TNIK: variants seen among roughly 807,000 people sequenced by gnomAD.
TNIK encodes TRAF2 and NCK interacting kinase, also known as TRAF2 and NCK-interacting protein kinase.
In TNIK, 49 loss-of-function variants were observed where a neutral mutation model predicts 191.3. The observed-to-expected ratio is 0.26, with a 90% CI of 0.20 to 0.32. The LOEUF is 0.32. TNIK is among the 10% of genes least tolerant of loss of function. The pLI, the probability that TNIK is intolerant of heterozygous loss-of-function variation, is 1.00. For missense variants in TNIK, 1,155 were observed against 1,702.3 expected (o/e 0.68, Z 5.66); for synonymous variants, 594 against 600.9 (o/e 0.99, Z 0.17).
At chr3:171,288,807 C>CAAAAA (rs10666822) in intron 2 of TNIK, among the ~76,000 whole-genome samples, 1,754 of 108,990 alleles carry the variant, frequency 0.016, 62 homozygotes, top group African/African-American at 0.06. Context: ...GACTCCATCT[C>CAAAAA]AAAAAAAAAA....
Position 171,398,072 on chromosome 3 carries a change from T to C in TNIK, c.58-28387A>G, listed in dbSNP as rs74556667. ...ACAACAGGCTGGTGATATGCATACT[T>C]TTAATTTATGTTGGCCAAAACACAA... On this transcript the variant is annotated intron_variant, in intron 1 of 32. Transcript: ENST00000436636. Among the ~76,000 whole-genome samples the C allele has an allele frequency of 7.2e-5, 11 of 152,334 alleles. No homozygotes were observed. In the East Asian group the frequency reaches 2.1e-3, roughly 29 times the overall value.
At chr3:171,210,959 A>G (rs1033873315) in intron 4 of TNIK, among the ~76,000 whole-genome samples, 157 bp downstream of exon 4, 10 of 152,186 alleles carry the variant, frequency 6.6e-5, no homozygotes, top group African/African-American at 2.4e-4. Flanking sequence ...ATTCAAGGAA[A>G]TGGGAGAAAA....
rs202164288 is a variant in TNIK, at chr3:171,140,499, C to G, written c.1232G>C (p.Arg411Pro). 1 of 1,613,446 alleles carries G rather than the reference C, an allele frequency of 6.2e-7. No individual in the cohort carries two copies. The highest frequency in any genetic ancestry group is 2.2e-5 in the East Asian group (1 of 44,844). Residue 411 changes from arginine (R) to proline (P), a missense_variant, in exon 13 of 33, where the codon CGA becomes CCA. Physicochemically the swap from Arg to Pro is moderately radical, Grantham distance 103 (BLOSUM62 -2). Around this residue, in one of 3 missense-constraint regions of TNIK, gnomAD observed 735 missense variants for 848.0 expected, o/e 0.87. Coordinates refer to ENST00000436636, the MANE Select transcript of TNIK (RefSeq NM_015028.4). ...CTGCTGCTTCCGCAGCTCCTTCTCT[C>G]GCCTTTGTTGCTGTGGGGCAACAAG... ...QRRRLEEQQR[R>P]EKELRKQQER... is the part of the protein sequence containing the mutation.
intron 2 of TNIK, among the ~76,000 whole-genome samples, chr3:171,301,278 C>G (rs1037219195): frequency 2.0e-5 from 3 of 150,486 alleles, no homozygotes; most frequent in African/African-American, 7.3e-5. Context: ...CAGACAGATA[C>G]AGAATGTAGA....
chr3:171,098,241 G>T (rs1232422639), intron 22 of TNIK, among the ~76,000 whole-genome samples: 1 of 152,178 alleles, frequency 6.6e-6, no homozygotes, highest in South Asian at 2.1e-4. Flanking sequence ...CTTGCTTGAT[G>T]TGATGCAAAT....
chr3:171,211,343 T>A, intron 3 of TNIK, 102 bp from the exon 4 acceptor site: 1 of 1,307,086 alleles, frequency 7.7e-7, no homozygotes, highest in Admixed American at 2.4e-5. Flanking sequence ...TTTTCTTCCT[T>A]GTTGACAAAT....
chr3:171,308,042 C>A lies in TNIK; in HGVS notation c.123+61578G>T, dbSNP rs1753643364. ...TTAAATGCTATTTCTATTGAACTACCAATGACATTATTCACAGAATTAGAA... is the reference window on the plus strand; with the variant it reads ...TTAAATGCTATTTCTATTGAACTACAAATGACATTATTCACAGAATTAGAA... On this transcript the variant is annotated intron_variant, in intron 2 of 32. Transcript: ENST00000436636. Among the ~76,000 whole-genome samples, 3 of 152,060 alleles carry A rather than the reference C, an allele frequency of 2.0e-5. No individual in the cohort carries two copies. In the South Asian group the frequency reaches 6.2e-4, roughly 32 times the overall value.
Position 171,379,807 on chromosome 3 carries a change from G to A in TNIK, c.58-10122C>T, listed in dbSNP as rs1053657522. Among the ~76,000 whole-genome samples, 7 of 152,056 alleles carry A rather than the reference G, an allele frequency of 4.6e-5. No individual in the cohort carries two copies. In the South Asian group the frequency reaches 6.2e-4, roughly 14 times the overall value. The stretch of plus-strand genomic sequence containing the variant: ...GGGCAGATCACGAGGTCAGGAGTTC[G>A]AGACCAGCCTGACCAACATGGTGAA... On this transcript the variant is annotated intron_variant, in intron 1 of 32. Coordinates refer to ENST00000436636, the MANE Select transcript of TNIK (RefSeq NM_015028.4).
chr3:171,245,930 C>A (rs1030211145), intron 2 of TNIK, among the ~76,000 whole-genome samples: 3 of 152,070 alleles, frequency 2.0e-5, no homozygotes, highest in Admixed American at 1.3e-4. Flanking sequence ...AACAGACAGA[C>A]AGACAGACAG....
chr3:171,159,245 C>A lies in TNIK; in HGVS notation c.1017-1581G>T, dbSNP rs927144998. On this transcript the variant is annotated intron_variant, in intron 11 of 32. Transcript: ENST00000436636. The surrounding 1 kb of genome is among the most constrained non-coding windows in gnomAD (Gnocchi z 4.1). ...GCGTTTGGGGATAGAGGTCACGAAG[C>A]CTGTGGACAGATCTGACATGTGGAG... Among the ~76,000 whole-genome samples the A allele has an allele frequency of 7.9e-5, 12 of 151,406 alleles. No homozygotes were observed. The highest frequency in any genetic ancestry group is 2.1e-4 in the South Asian group (1 of 4,754).
chr3:171,354,286 T>C (rs76874754), intron 2 of TNIK, among the ~76,000 whole-genome samples: 2 of 152,318 alleles, frequency 1.3e-5, no homozygotes, highest in East Asian at 3.9e-4. Flanking sequence ...TTCTCCCCTG[T>C]ATTTACTTTG....
chr3:171,109,443 C>G (rs1725498924), intron 19 of TNIK, among the ~76,000 whole-genome samples: 1 of 151,826 alleles, frequency 6.6e-6, no homozygotes, highest in African/African-American at 2.4e-5. Context: ...TTGGCTAGTC[C>G]ATATCCCAAT....
intron 7 of TNIK, among the ~76,000 whole-genome samples, chr3:171,184,049 A>G (rs1041195284): frequency 2.0e-5 from 3 of 151,882 alleles, no homozygotes; most frequent in African/African-American, 7.3e-5. Flanking sequence ...TGGACACTGT[A>G]TTAATCCCTT....
At chr3:171,069,818 G>A (rs1205778809) in intron 29 of TNIK, among the ~76,000 whole-genome samples, 5 of 152,212 alleles carry the variant, frequency 3.3e-5, no homozygotes, top group Admixed American at 2.6e-4. Context: ...TAATGCCACT[G>A]CTACCTCTCA....
intron 2 of TNIK, among the ~76,000 whole-genome samples, chr3:171,299,129 C>T (rs1260040636): frequency 1.3e-5 from 2 of 152,198 alleles, no homozygotes; most frequent in African/African-American, 4.8e-5. Flanking sequence ...TGCACAAGAC[C>T]TTTCCCATCC....
chr3:171,185,205 G>GTGTT (rs1174493707), intron 7 of TNIK, among the ~76,000 whole-genome samples: 1 of 150,722 alleles, frequency 6.6e-6, no homozygotes, highest in African/African-American at 2.5e-5. Flanking sequence ...GTGTGTGTGT[G>GTGTT]TGTGTGTGTG....
At chr3:171,166,935 G>A (rs1269039673) in intron 10 of TNIK, among the ~76,000 whole-genome samples, 160 bp downstream of exon 10, 5 of 152,050 alleles carry the variant, frequency 3.3e-5, no homozygotes, top group Admixed American at 1.3e-4. Flanking sequence ...ATAGTCTCAC[G>A]CCACTGATGC....
At chr3:171,448,093 C>T (rs1028021699) in intron 1 of TNIK, among the ~76,000 whole-genome samples, 1 of 152,006 alleles carries the variant, frequency 6.6e-6, no homozygotes, top group African/African-American at 2.4e-5. Flanking sequence ...ACAGATGAAA[C>T]AGGATTCATT....
chr3:171,312,065 T>C (rs528530711), intron 2 of TNIK, among the ~76,000 whole-genome samples: 9 of 132,322 alleles, frequency 6.8e-5, no homozygotes, highest in African/African-American at 2.3e-4. Context: ...AGACATTTTG[T>C]GGCATTGCTC....
Sources: gnomAD v4.1 joint callset for allele counts (sites outside exome capture counted in the v4.1 genomes callset) on GRCh38, gnomAD v4.1.1 for gene constraint, gnomAD v4.1.1 regional missense constraint, Gnocchi (gnomAD v3.1) non-coding constraint, MANE v1.5 for transcripts, NCBI Gene and HGNC (gene_info 2026-07-23, HGNC 2026-07-21) for gene names.